The following BAIAP2L1 variants were observed in gnomAD, a reference collection of about 807,000 sequenced individuals.
BAIAP2L1 encodes the protein BAR/IMD domain-containing adapter protein 2-like 1.
A neutral mutation model predicts 66.3 loss-of-function variants in BAIAP2L1; 35 were observed. The ratio of observed to expected loss-of-function variants is 0.53; its 90% confidence interval spans 0.40 to 0.70. BAIAP2L1 has a LOEUF of 0.70. BAIAP2L1 is among the 30% of genes least tolerant of loss of function. BAIAP2L1 has a pLI of 0.00. For synonymous variants in BAIAP2L1, 269 were observed against 248.7 expected (o/e 1.08, Z -0.77); for missense variants, 622 against 656.9 (o/e 0.95, Z 0.58).
Position 98,362,365 on chromosome 7 carries a change from G to A in BAIAP2L1, c.119C>T (p.Ala40Val). The change falls in exon 2 of 14, where the codon GCT becomes GTT. Residue 40 changes from alanine to valine, a missense_variant. Ala to Val is a moderately conservative substitution (Grantham distance 64, BLOSUM62 0). Transcript: ENST00000005260. ...LINLGKNYEKAVNAMILAGKA... is the reference protein window; with the variant it reads ...LINLGKNYEKVVNAMILAGKA... ...CAGAAAAACAGACTTACCGTTTACA[G>A]CTTTCTCATAATTTTTCCCCAGGTT... 2 of 1,608,626 alleles carry A rather than the reference G, an allele frequency of 1.2e-6. No individual in the cohort carries two copies. Among genetic ancestry groups the A allele is most frequent in the Non-Finnish European group, 1.7e-6 (2 of 1,175,568 alleles).
intron 7 of BAIAP2L1, 38 bp from the exon 8 acceptor site, chr7:98,312,302 A>AT (rs764578590): frequency 1.5e-5 from 23 of 1,566,056 alleles, no homozygotes; most frequent in East Asian, 1.1e-4. Flanking sequence ...GACAAAGAAG[A>AT]TTGTCTGAAG....
intron 2 of BAIAP2L1, among the ~76,000 whole-genome samples, chr7:98,358,207 T>C (rs1802183764): frequency 6.6e-6 from 1 of 152,174 alleles, no homozygotes; most frequent in South Asian, 2.1e-4. Context: ...TAAAATATCT[T>C]TGCTATGATG....
At chr7:98,299,447 C>G (rs975866906) in intron 12 of BAIAP2L1, among the ~76,000 whole-genome samples, 3 of 152,176 alleles carry the variant, frequency 2.0e-5, no homozygotes, top group Admixed American at 2.0e-4. Flanking sequence ...TGTGAGCCAC[C>G]GTGCCCGGCA....
Position 98,332,316 on chromosome 7 carries a change from G to A in BAIAP2L1, c.215-12018C>T, listed in dbSNP as rs950003213. On this transcript the variant is annotated intron_variant, in intron 3 of 13. Coordinates refer to ENST00000005260, the MANE Select transcript of BAIAP2L1 (RefSeq NM_018842.5). The stretch of plus-strand genomic sequence containing the variant: ...GAGAATTGCTTGAATTCAGGAGGCA[G>A]AGGTTGCAGTGACCCGAGATCGCTC... Among the ~76,000 whole-genome samples the A allele has an allele frequency of 4.4e-5, 6 of 137,620 alleles. No homozygotes were observed. In the South Asian group the frequency reaches 1.5e-3, roughly 34 times the overall value. The allele number at this position is 137,620 out of a possible 152,430, so 90.3% of individuals were successfully genotyped here. A position where few individuals can be genotyped will look rare whatever the true frequency, so the allele number is the denominator to read the frequency against.
intron 12 of BAIAP2L1, among the ~76,000 whole-genome samples, chr7:98,295,434 C>T (rs1405257919): frequency 6.6e-6 from 1 of 152,238 alleles, no homozygotes; most frequent in Non-Finnish European, 1.5e-5. Context: ...CTGCGGGGCA[C>T]TCAACGCTTC....
At chr7:98,379,939 G>T (rs1259716315) in intron 1 of BAIAP2L1, among the ~76,000 whole-genome samples, 1 of 152,178 alleles carries the variant, frequency 6.6e-6, no homozygotes, top group African/African-American at 2.4e-5. Flanking sequence ...GGGGATGAAG[G>T]ATCTTTTTGA....
intron 7 of BAIAP2L1, 83 bp from the exon 8 acceptor site, chr7:98,312,347 T>C: frequency 2.1e-6 from 3 of 1,429,614 alleles, no homozygotes; most frequent in Non-Finnish European, 2.8e-6. Flanking sequence ...ATATCGCTGA[T>C]AACAGATTAC....
At chr7:98,307,606 C>A in intron 10 of BAIAP2L1, 83 bp downstream of exon 10, 1 of 1,569,448 alleles carries the variant, frequency 6.4e-7, no homozygotes, top group Non-Finnish European at 8.6e-7. Context: ...GTGAGCATGT[C>A]CACGAAGACA....
intron 1 of BAIAP2L1, among the ~76,000 whole-genome samples, chr7:98,381,095 G>GA (rs1447316056): frequency 6.6e-6 from 1 of 152,136 alleles, no homozygotes; most frequent in African/African-American, 2.4e-5. Flanking sequence ...CTTCTAGGGT[G>GA]AAAATCAATT....
intron 3 of BAIAP2L1, among the ~76,000 whole-genome samples, chr7:98,354,174 C>T (rs1019838473): frequency 2.1e-4 from 32 of 151,748 alleles, no homozygotes; most frequent in African/African-American, 7.8e-4. Flanking sequence ...CACTGTCAGG[C>T]CTCTCATTTG....
At position 98,354,558 on chromosome 7, in the gene BAIAP2L1, A is replaced by AC. The variant is rs549367887; in HGVS notation, c.214+483dup. 5.9e-5 allele frequency among the ~76,000 whole-genome samples: 9 copies of AC among 152,264 alleles called. No homozygotes were observed. In the South Asian group the frequency reaches 1.5e-3, roughly 25 times the overall value. ...GGCAGCGGGCACTGCCCAGGGTGTA[A>AC]CCGCCCTCTCTGCCTGCACAGGAGA... On this transcript the variant is annotated intron_variant, in intron 3 of 13. Coordinates refer to ENST00000005260, the MANE Select transcript of BAIAP2L1 (RefSeq NM_018842.5).
chr7:98,318,994 G>A (rs1278912052), intron 5 of BAIAP2L1, among the ~76,000 whole-genome samples: 1 of 151,776 alleles, frequency 6.6e-6, no homozygotes. Flanking sequence ...GTTTCTGAAG[G>A]CATAGCAATT....
chr7:98,349,343 C>T (rs990909956), intron 3 of BAIAP2L1, among the ~76,000 whole-genome samples: 6 of 152,274 alleles, frequency 3.9e-5, no homozygotes, highest in South Asian at 4.1e-4. Context: ...TATGGAAGCA[C>T]GTGGCGCAAG....
intron 9 of BAIAP2L1, chr7:98,308,364 C>A: frequency 2.3e-6 from 1 of 444,112 alleles, no homozygotes; most frequent in Non-Finnish European, 4.5e-6. Flanking sequence ...GCTGGCCGCT[C>A]AGCTTCTCAC....
intron 3 of BAIAP2L1, among the ~76,000 whole-genome samples, chr7:98,353,848 G>C (rs1802060057): frequency 2.0e-5 from 3 of 150,420 alleles, no homozygotes; most frequent in Non-Finnish European, 4.4e-5. Flanking sequence ...TGTAGTCTCA[G>C]CTACTTAGGA....
chr7:98,389,919 T>A (rs972430913), intron 1 of BAIAP2L1, among the ~76,000 whole-genome samples: 10 of 74,364 alleles, frequency 1.3e-4, no homozygotes, highest in African/African-American at 3.2e-4. Context: ...GGTTAGTAAA[T>A]TTTTTTTTTT....
chr7:98,317,996 G>A (rs915392036), intron 5 of BAIAP2L1, among the ~76,000 whole-genome samples: 2 of 149,820 alleles, frequency 1.3e-5, no homozygotes, highest in Non-Finnish European at 1.5e-5. Context: ...CCCTCACCCC[G>A]CAGCTCACAC....
chr7:98,375,659 GA>G (rs1424054164), intron 1 of BAIAP2L1, among the ~76,000 whole-genome samples: 2 of 141,354 alleles, frequency 1.4e-5, no homozygotes, highest in Non-Finnish European at 3.0e-5. Context: ...CGAGGCAGGA[GA>G]ATCGCTTGAA....
intron 1 of BAIAP2L1, among the ~76,000 whole-genome samples, chr7:98,389,080 T>C (rs1227326152): frequency 6.6e-6 from 1 of 152,124 alleles, no homozygotes; most frequent in East Asian, 1.9e-4. Context: ...CCTGAGGTTT[T>C]TGTGGCCAGA....
Sources: allele counts gnomAD v4.1 joint callset (sites outside exome capture counted in the v4.1 genomes callset), GRCh38; gene constraint gnomAD v4.1.1; transcripts MANE v1.5; gene names NCBI Gene and HGNC (gene_info 2026-07-23, HGNC 2026-07-21).